PAK5: variants seen among roughly 807,000 people sequenced by gnomAD.
The protein encoded by PAK5 is serine/threonine-protein kinase PAK 5.
A neutral mutation model predicts 65.9 loss-of-function variants in PAK5; 16 were observed. The ratio of observed to expected loss-of-function variants is 0.24; its 90% confidence interval spans 0.16 to 0.37. The LOEUF is 0.37. PAK5 is among the 10% of genes least tolerant of loss of function. PAK5 has a pLI of 1.00. For synonymous variants in PAK5, 371 were observed against 354.9 expected (o/e 1.05, Z -0.51); for missense variants, 785 against 903.9 (o/e 0.87, Z 1.69).
At chr20:9,618,536 A>G (rs1555905153) in intron 3 of PAK5, among the ~76,000 whole-genome samples, 1 of 151,122 alleles carries the variant, frequency 6.6e-6, no homozygotes, top group Non-Finnish European at 1.5e-5. Context: ...CCTCCCGAGT[A>G]GCTGAGATTG....
chr20:9,693,485 C>T (rs543910861), intron 2 of PAK5, among the ~76,000 whole-genome samples: 3 of 151,914 alleles, frequency 2.0e-5, no homozygotes, highest in South Asian at 4.2e-4. Flanking sequence ...CTCTCTCTCA[C>T]ATGCACATAC....
In PAK5 at chr20:9,656,010, C is replaced by T. The variant is rs181753407; in HGVS notation, c.-11-11671G>A. Among the ~76,000 whole-genome samples, 23 of 152,212 alleles carry T rather than the reference C, an allele frequency of 1.5e-4. No individual in the cohort carries two copies. The East Asian group carries it at 3.7e-3, about 24-fold the overall frequency. ...AGTCCCTACCTCCCAAATTCAGTCA[C>T]ATTTGGAGGCATTGGAGGTTAGGAT... On this transcript the variant is annotated intron_variant, in intron 2 of 9. Coordinates refer to ENST00000353224, the MANE Select transcript of PAK5 (RefSeq NM_177990.4).
At position 9,580,534 on chromosome 20, in the gene PAK5, A is replaced by G. The variant is rs1870903195; in HGVS notation, c.601T>C (p.Ser201Pro). 3 of 1,614,074 alleles carry G rather than the reference A, an allele frequency of 1.9e-6. No homozygotes were observed. Among genetic ancestry groups the G allele is most frequent in the East Asian group, 4.5e-5 (2 of 44,876 alleles). Reference sequence around the variant, plus strand: ...GGTTTGCTCAGTGAGTCCAAATGTGAGTGATAATCGGCAGAAAATCTGGCA... The same window carrying G: ...GGTTTGCTCAGTGAGTCCAAATGTGGGTGATAATCGGCAGAAAATCTGGCA... The part of the protein sequence containing the change: ...DFARFSADYH[S>P]HLDSLSKPSE... The change falls in exon 4 of 10, where the codon TCA (serine) becomes CCA (proline). Residue 201 changes from serine to proline, a missense_variant. Coordinates refer to ENST00000353224, the MANE Select transcript of PAK5 (RefSeq NM_177990.4).
intron 3 of PAK5, among the ~76,000 whole-genome samples, chr20:9,631,766 A>G (rs931998173): frequency 6.6e-6 from 1 of 152,346 alleles, no homozygotes. Context: ...TGATTCTAGC[A>G]AACACTTAGA....
At chr20:9,728,877 A>T (rs1193947850) in intron 1 of PAK5, among the ~76,000 whole-genome samples, 1 of 152,144 alleles carries the variant, frequency 6.6e-6, no homozygotes, top group East Asian at 1.9e-4. Flanking sequence ...AGTGACAGAC[A>T]CCTAAAATAG....
intron 1 of PAK5, among the ~76,000 whole-genome samples, chr20:9,736,213 T>C (rs1427035470): frequency 1.3e-5 from 2 of 151,894 alleles, no homozygotes; most frequent in Non-Finnish European, 2.9e-5. Flanking sequence ...TAGAAACAAT[T>C]TAAAATGAAA....
At chr20:9,757,193 G>T (rs2048644700) in intron 1 of PAK5, among the ~76,000 whole-genome samples, 1 of 151,308 alleles carries the variant, frequency 6.6e-6, no homozygotes, top group South Asian at 2.1e-4. Context: ...CTTTCTCAGG[G>T]TCTACTTGTG....
At chr20:9,652,132 T>C (rs1245126480) in intron 2 of PAK5, among the ~76,000 whole-genome samples, 1 of 152,224 alleles carries the variant, frequency 6.6e-6, no homozygotes, top group African/African-American at 2.4e-5. Context: ...ACTTTAGAAA[T>C]ACCTACCTGT....
intron 3 of PAK5, among the ~76,000 whole-genome samples, chr20:9,621,400 C>A: frequency 2.6e-5 from 3 of 113,886 alleles, no homozygotes; most frequent in Admixed American, 2.0e-4. Context: ...CAGGGCAGGA[C>A]TGATTAAAAA....
chr20:9,656,246 T>C (rs2047266637), intron 2 of PAK5, among the ~76,000 whole-genome samples: 1 of 152,114 alleles, frequency 6.6e-6, no homozygotes, highest in African/African-American at 2.4e-5. Flanking sequence ...ACATAGTAGA[T>C]GAGCAGTAAT....
intron 3 of PAK5, among the ~76,000 whole-genome samples, chr20:9,637,948 T>C (rs2047002749): frequency 6.6e-6 from 1 of 152,202 alleles, no homozygotes. Context: ...GGGTGATCAT[T>C]ATGTTGTGGC....
At chr20:9,753,150 A>G (rs1023314735) in intron 1 of PAK5, among the ~76,000 whole-genome samples, 1 of 152,130 alleles carries the variant, frequency 6.6e-6, no homozygotes, top group Admixed American at 6.6e-5. Context: ...ATAATTCCCC[A>G]GACGACCTGG....
In PAK5 at chr20:9,662,647, C is replaced by A. The variant is rs528884899; in HGVS notation, c.-11-18308G>T. Among the ~76,000 whole-genome samples the A allele has an allele frequency of 1.2e-4, 18 of 152,266 alleles. No individual in the cohort carries two copies. In the East Asian group the frequency reaches 3.5e-3, roughly 29 times the overall value. ...CCCTGAACTGCTGTATGGAGGAAAT[C>A]CACTTGCTGACCAGGAGCACCTGCA... On this transcript the variant is annotated intron_variant, in intron 2 of 9. Transcript: ENST00000353224.
At chr20:9,544,757 A>G (rs1337290949) in intron 7 of PAK5, among the ~76,000 whole-genome samples, 1 of 152,216 alleles carries the variant, frequency 6.6e-6, no homozygotes, top group Non-Finnish European at 1.5e-5. Context: ...ATGATGGAAC[A>G]ACAACAAAAA....
intron 7 of PAK5, among the ~76,000 whole-genome samples, chr20:9,548,478 C>G (rs1476784882): frequency 6.6e-6 from 1 of 152,072 alleles, no homozygotes; most frequent in Non-Finnish European, 1.5e-5. Flanking sequence ...GCTGCACCCT[C>G]TTTTCCAAAT....
rs1265554114 is a variant in PAK5 at position 9,618,980 on chromosome 20, T to TGATGG, written c.204+25140_204+25144dup. 1.2e-4 allele frequency among the ~76,000 whole-genome samples: 16 copies of TGATGG among 133,704 alleles called. 1 individual carries two copies. The South Asian group carries it at 2.0e-3, about 17-fold the overall frequency. The allele number at this position is 133,704 out of a possible 152,430, so 87.7% of individuals were successfully genotyped here. On this transcript the variant is annotated intron_variant, in intron 3 of 9. Transcript: ENST00000353224. ...CACTGTTGCCCAGGCTGGAGTGCAG[T>TGATGG]GATGGGATCATGGCTCACGGAAGCC...
chr20:9,711,889 AG>A (rs1569053574), intron 1 of PAK5, among the ~76,000 whole-genome samples: 1 of 152,248 alleles, frequency 6.6e-6, no homozygotes, highest in Non-Finnish European at 1.5e-5. Flanking sequence ...CACTGTTACT[AG>A]GAGAAATAGA....
At chr20:9,652,403 T>C (rs2047213823) in intron 2 of PAK5, among the ~76,000 whole-genome samples, 1 of 152,196 alleles carries the variant, frequency 6.6e-6, no homozygotes, top group Non-Finnish European at 1.5e-5. Context: ...TGGGATGGGT[T>C]CATCATATAA....
At chr20:9,599,131 T>C (rs960750303) in intron 3 of PAK5, among the ~76,000 whole-genome samples, 2 of 152,266 alleles carry the variant, frequency 1.3e-5, no homozygotes, top group African/African-American at 4.8e-5. Context: ...CTTGTTCTTT[T>C]GTCCCTGGTT....
Sources: gnomAD v4.1 joint callset for allele counts (sites outside exome capture counted in the v4.1 genomes callset) on GRCh38, gnomAD v4.1.1 for gene constraint, MANE v1.5 for transcripts, NCBI Gene and HGNC (gene_info 2026-07-23, HGNC 2026-07-21) for gene names.